Variants in DCP1A observed in about 807,000 individuals in gnomAD.
The protein encoded by DCP1A is mRNA-decapping enzyme 1A.
Under a neutral mutation model 58.0 loss-of-function variants are expected in DCP1A, and 20 were observed. The observed-to-expected ratio is 0.34, with a 90% CI of 0.24 to 0.50. The LOEUF is 0.50. DCP1A is among the 20% of genes least tolerant of loss of function. DCP1A has a pLI of 0.98. For synonymous variants in DCP1A, 285 were observed against 275.1 expected, an observed-to-expected ratio of 1.04 and a Z score of -0.36; for missense variants, 613 against 712.2, an observed-to-expected ratio of 0.86 and a Z score of 1.59.
intron 4 of DCP1A, among the ~76,000 whole-genome samples, chr3:53,314,671 T>TC (rs200278673): frequency 3.7e-5 from 5 of 135,838 alleles, no homozygotes; most frequent in South Asian, 3.3e-4. Context: ...CTTTTTCTTT[T>TC]TTTTTTTTTT....
intron 3 of DCP1A, among the ~76,000 whole-genome samples, chr3:53,321,228 T>G (rs1342658582): frequency 6.6e-6 from 1 of 152,244 alleles, no homozygotes; most frequent in Non-Finnish European, 1.5e-5. Context: ...TCTTTCTATC[T>G]TTCAGAGTTC....
chr3:53,314,553 C>A (rs1287693671), intron 4 of DCP1A, among the ~76,000 whole-genome samples: 2 of 152,130 alleles, frequency 1.3e-5, no homozygotes, highest in Non-Finnish European at 2.9e-5. Flanking sequence ...CCACCTACCT[C>A]CTGACATGTT....
intron 5 of DCP1A, among the ~76,000 whole-genome samples, chr3:53,308,430 C>T (rs1419816050): frequency 6.6e-6 from 1 of 151,982 alleles, no homozygotes; most frequent in Non-Finnish European, 1.5e-5. Flanking sequence ...CAGCCAGGAC[C>T]ACAGGTGCAC....
intron 2 of DCP1A, among the ~76,000 whole-genome samples, chr3:53,342,792 T>C (rs1445182139): frequency 6.6e-6 from 1 of 152,192 alleles, no homozygotes; most frequent in African/African-American, 2.4e-5. Context: ...TTATTTTTAG[T>C]ATTTATTGTC....
chr3:53,301,492 C>T (rs1289069424), intron 6 of DCP1A, among the ~76,000 whole-genome samples: 2 of 151,998 alleles, frequency 1.3e-5, no homozygotes, highest in Admixed American at 6.6e-5. Flanking sequence ...AGGCTAGTCT[C>T]GAACTCCTGA....
intron 8 of DCP1A, among the ~76,000 whole-genome samples, chr3:53,289,490 T>G (rs1553685665): frequency 6.6e-6 from 1 of 151,306 alleles, no homozygotes; most frequent in Non-Finnish European, 1.5e-5. Flanking sequence ...TGGGAGCCTG[T>G]AATCCCAGCT....
At chr3:53,307,556 G>A (rs1707513515) in intron 5 of DCP1A, among the ~76,000 whole-genome samples, 1 of 152,260 alleles carries the variant, frequency 6.6e-6, no homozygotes. Context: ...TATATTGTTA[G>A]GTTGTACTTT....
intron 3 of DCP1A, among the ~76,000 whole-genome samples, chr3:53,338,619 T>G (rs1391836828): frequency 6.6e-6 from 1 of 152,164 alleles, no homozygotes; most frequent in Non-Finnish European, 1.5e-5. Context: ...CCCAGCACTT[T>G]GGAAGGCCAA....
intron 3 of DCP1A, 26 bp from the exon 4 acceptor site, chr3:53,319,499 TAAG>T (rs1707902423): frequency 5.6e-6 from 8 of 1,435,308 alleles, no homozygotes; most frequent in South Asian, 3.7e-5. Flanking sequence ...GAAAAAAAGA[TAAG>T]AAGAAATGAG....
At position 53,292,490 on chromosome 3, in the gene DCP1A, G is replaced by A. The variant is rs527911664; in HGVS notation, c.962C>T (p.Thr321Ile). 1 of 1,614,056 alleles carries A rather than the reference G, an allele frequency of 6.2e-7. No individual in the cohort carries two copies. Among genetic ancestry groups the A allele is most frequent in the Non-Finnish European group, 8.5e-7 (1 of 1,179,902 alleles). Residue 321 changes from threonine to isoleucine, a missense_variant, in exon 7 of 10, where the codon ACT becomes ATT. Around this residue, in one of 3 missense-constraint regions of DCP1A, gnomAD observed 498 missense variants for 556.7 expected, o/e 0.89. Transcript: ENST00000610213. ...TIPLSPVLSP[T>I]LPAEAPTAQV... ...TGCAGTAGGAGCTTCAGCTGGCAGA[G>A]TGGGACTGAGAACAGGGCTCAACGG...
At chr3:53,311,491 C>T (rs374128757) in intron 5 of DCP1A, among the ~76,000 whole-genome samples, 2 of 152,132 alleles carry the variant, frequency 1.3e-5, no homozygotes, top group Non-Finnish European at 2.9e-5. Flanking sequence ...ACCACAATTG[C>T]CATTTTATTC....
At position 53,285,624 on chromosome 3, in the gene DCP1A, ACT is replaced by A. The variant is rs1334281058; in HGVS notation, c.*1954_*1955del. 6.6e-6 allele frequency: 1 copy of A among 151,982 alleles called. No homozygotes were observed. The highest frequency in any genetic ancestry group is 2.4e-5 in the African/African-American group (1 of 41,338). The allele number at this position is 151,982 out of a possible 1,614,324, so 9.4% of individuals were successfully genotyped here. On this transcript the variant is annotated 3_prime_UTR_variant, in exon 10 of 10. Coordinates refer to ENST00000610213, the MANE Select transcript of DCP1A (RefSeq NM_018403.7). ...AAGGTGAAAATTAGTATGATCACAG[ACT>A]CTCTTTAGGATATTCTCTCTTAACT...
intron 6 of DCP1A, among the ~76,000 whole-genome samples, chr3:53,300,819 T>C (rs1323160056): frequency 4.6e-5 from 7 of 152,164 alleles, no homozygotes; most frequent in African/African-American, 1.7e-4. Context: ...GGCTAATTTT[T>C]GTATTTTTAT....
At position 53,327,321 on chromosome 3, in the gene DCP1A, A is replaced by G. The variant is rs181150804; in HGVS notation, c.305-7848T>C. Among the ~76,000 whole-genome samples the G allele has an allele frequency of 1.8e-3, 279 of 152,322 alleles. 2 individuals are homozygous for G. Among genetic ancestry groups the G allele is most frequent in the Non-Finnish European group, 3.1e-4 (21 of 68,030 alleles). On this transcript the variant is annotated intron_variant, in intron 3 of 9. Transcript: ENST00000610213. ...AGGGTGTGGTGAGATCAGTGATGAA[A>G]ATGTCTTACCTACAATTCTGGCTGA... is the stretch of plus-strand genomic sequence containing the variant.
At chr3:53,302,789 A>G (rs1707351962) in intron 6 of DCP1A, among the ~76,000 whole-genome samples, 1 of 151,766 alleles carries the variant, frequency 6.6e-6, no homozygotes, top group African/African-American at 2.4e-5. Context: ...ACACCCGGCT[A>G]ATTTTGTATT....
intron 6 of DCP1A, among the ~76,000 whole-genome samples, chr3:53,297,198 G>C (rs1474961469): frequency 1.3e-5 from 2 of 151,992 alleles, no homozygotes; most frequent in African/African-American, 4.8e-5. Flanking sequence ...ATCTTTTCAT[G>C]TGCTTATTGG....
Position 53,285,198 on chromosome 3 carries a change from T to A in DCP1A, c.*2382A>T, listed in dbSNP as rs1293097010. On this transcript the variant is annotated 3_prime_UTR_variant, in exon 10 of 10. Transcript: ENST00000610213. ...GTTCTGCGAAATCTAGCCAGAAGCATCTCCATCTCGGTGTCCATTTCGATC... is the reference window on the plus strand; with the variant it reads ...GTTCTGCGAAATCTAGCCAGAAGCAACTCCATCTCGGTGTCCATTTCGATC... 1 of 151,898 alleles carries A rather than the reference T, an allele frequency of 6.6e-6. No individual in the cohort carries two copies. The highest frequency in any genetic ancestry group is 2.4e-5 in the African/African-American group (1 of 41,322). 9.4% of individuals were successfully genotyped at this position (151,898 alleles called of 1,614,324 possible).
intron 4 of DCP1A, among the ~76,000 whole-genome samples, chr3:53,318,776 T>C (rs949615435): frequency 6.6e-6 from 1 of 152,214 alleles, no homozygotes; most frequent in Non-Finnish European, 1.5e-5. Flanking sequence ...CATGAGTGGA[T>C]TGGGGCCTGT....
At chr3:53,327,278 C>G in intron 3 of DCP1A, among the ~76,000 whole-genome samples, 1 of 152,128 alleles carries the variant, frequency 6.6e-6, no homozygotes, top group East Asian at 1.9e-4. Context: ...AAATACCTCA[C>G]GGACTATAAG....
Sources: allele counts gnomAD v4.1 joint callset (sites outside exome capture counted in the v4.1 genomes callset), GRCh38; gene constraint gnomAD v4.1.1; regional missense constraint gnomAD v4.1.1; transcripts MANE v1.5; gene names NCBI Gene and HGNC (gene_info 2026-07-23, HGNC 2026-07-21).